Variants in NKIRAS1 observed in about 807,000 individuals in gnomAD.
NKIRAS1 encodes NFKB inhibitor interacting Ras like 1.
NKIRAS1 carries 16 observed loss-of-function variants against 19.8 expected under a neutral mutation model. That is an observed-to-expected ratio of 0.81 (90% CI 0.55 to 1.23). The LOEUF (loss-of-function observed/expected upper bound fraction) is 1.23. Among genes scored for constraint, NKIRAS1 ranks in the 50% most tolerant of loss-of-function variants. The pLI, the probability that NKIRAS1 is intolerant of heterozygous loss-of-function variation, is 0.00. For missense variants in NKIRAS1, 184 were observed against 220.0 expected (o/e 0.84, Z 1.04); for synonymous variants, 88 against 79.0 (o/e 1.11, Z -0.61).
chr3:23,911,842 A>C (rs1703771549), intron 1 of NKIRAS1, among the ~76,000 whole-genome samples: 1 of 149,944 alleles, frequency 6.7e-6, no homozygotes, highest in Non-Finnish European at 1.5e-5. Flanking sequence ...GGTTCACTGC[A>C]ACCTCCGCTT....
At chr3:23,933,205 C>G (rs1340378025) in intron 1 of NKIRAS1, among the ~76,000 whole-genome samples, 1 of 152,188 alleles carries the variant, frequency 6.6e-6, no homozygotes, top group Non-Finnish European at 1.5e-5. Context: ...TAATAGAAAA[C>G]AAATACAGTA....
chr3:23,943,327 G>T (rs1043390976), intron 1 of NKIRAS1, among the ~76,000 whole-genome samples: 2 of 152,124 alleles, frequency 1.3e-5, no homozygotes, highest in Admixed American at 6.5e-5. Flanking sequence ...CCGCCTTCCG[G>T]GTTCAAGCGA....
intron 2 of NKIRAS1, 109 bp from the exon 3 acceptor site, chr3:23,911,030 C>G (rs1447312546): frequency 3.8e-6 from 3 of 793,824 alleles, no homozygotes; most frequent in Non-Finnish European, 6.2e-6. Context: ...GGGAAATTTT[C>G]AAATACAGAA....
intron 1 of NKIRAS1, among the ~76,000 whole-genome samples, chr3:23,925,930 A>G (rs1378297577): frequency 1.3e-5 from 2 of 152,228 alleles, no homozygotes; most frequent in African/African-American, 4.8e-5. Flanking sequence ...CTCCAGTCAT[A>G]TTAGTTACAT....
upstream of NKIRAS1, chr3:23,918,359 G>T: frequency 6.8e-7 from 1 of 1,462,130 alleles, no homozygotes; most frequent in South Asian, 1.3e-5. Flanking sequence ...TATTTTTGGT[G>T]GAGTATTAGT....
rs751833204 is a variant in NKIRAS1, at chr3:23,910,819, T to C, written c.86A>G (p.His29Arg). The C allele has an allele frequency of 6.2e-7, 1 of 1,609,598 alleles. No homozygotes were observed. The highest frequency in any genetic ancestry group is 8.5e-7 in the Non-Finnish European group (1 of 1,175,870). Residue 29 changes from histidine to arginine, a missense_variant, in exon 3 of 5, where the codon CAT becomes CGT. Coordinates refer to ENST00000425478, the MANE Select transcript of NKIRAS1 (RefSeq NM_020345.4). ...GAGAAAAACAATCTTACCAATAGTA[T>C]GATTTCCATAAAGGAGCTGCTCCAA... ...AILEQLLYGNHTIGMEDCETM... is the reference protein window; with the variant it reads ...AILEQLLYGNRTIGMEDCETM...
chr3:23,925,207 A>G (rs1705192755), intron 1 of NKIRAS1, among the ~76,000 whole-genome samples: 1 of 152,192 alleles, frequency 6.6e-6, no homozygotes, highest in African/African-American at 2.4e-5. Flanking sequence ...TAGTCTTTGT[A>G]CCCATTTGAA....
At chr3:23,919,338 TCAC>T (rs1704939409), upstream of NKIRAS1, 1 of 1,602,726 alleles carries the variant, frequency 6.2e-7, no homozygotes, top group African/African-American at 1.3e-5. Flanking sequence ...ACCCAGTGGA[TCAC>T]CAAACCAGTC....
upstream of NKIRAS1, chr3:23,920,787 C>G (rs552751022): frequency 1.0e-6 from 1 of 962,200 alleles, no homozygotes. Context: ...TTAAGTCATA[C>G]ATTTTAATTG....
At chr3:23,919,664 T>G (rs1407347265), upstream of NKIRAS1, 58 of 1,408,438 alleles carry the variant, frequency 4.1e-5, no homozygotes, top group Non-Finnish European at 5.2e-5. Flanking sequence ...CAATAAGTGG[T>G]GGTGTATCTT....
intron 3 of NKIRAS1, among the ~76,000 whole-genome samples, chr3:23,907,161 TG>T (rs1454305347): frequency 6.6e-6 from 1 of 152,230 alleles, no homozygotes; most frequent in Non-Finnish European, 1.5e-5. Context: ...CCCAAAGTGC[TG>T]GGATTACAGG....
intron 1 of NKIRAS1, among the ~76,000 whole-genome samples, chr3:23,914,812 A>G (rs1422030838): frequency 6.6e-6 from 1 of 152,236 alleles, no homozygotes; most frequent in East Asian, 1.9e-4. Context: ...TATTCACACT[A>G]CTAGAATTGT....
intron 1 of NKIRAS1, among the ~76,000 whole-genome samples, chr3:23,930,762 A>G (rs1045765422): frequency 1.3e-5 from 2 of 152,146 alleles, no homozygotes; most frequent in Non-Finnish European, 2.9e-5. Flanking sequence ...TTGTGCAGTG[A>G]CACAATCATG....
upstream of NKIRAS1, chr3:23,919,862 GC>G: frequency 9.9e-7 from 1 of 1,007,494 alleles, no homozygotes; most frequent in Non-Finnish European, 1.2e-6. Context: ...TGATGGCAAT[GC>G]TCTGCTGGTT....
At chr3:23,899,215 T>A (rs1246637782) in intron 4 of NKIRAS1, among the ~76,000 whole-genome samples, 1 of 152,118 alleles carries the variant, frequency 6.6e-6, no homozygotes, top group African/African-American at 2.4e-5. Flanking sequence ...AAGAGTAACA[T>A]GAAGGATCTT....
At chr3:23,940,185 A>G (rs918568472) in intron 1 of NKIRAS1, among the ~76,000 whole-genome samples, 3 of 150,740 alleles carry the variant, frequency 2.0e-5, no homozygotes, top group Non-Finnish European at 4.4e-5. Context: ...AAAAAAAAAA[A>G]AAAAAAGAGA....
intron 4 of NKIRAS1, among the ~76,000 whole-genome samples, chr3:23,900,186 A>C (rs1702373234): frequency 6.6e-6 from 1 of 152,096 alleles, no homozygotes; most frequent in Non-Finnish European, 1.5e-5. Flanking sequence ...CAAAAACCCA[A>C]GGAAACAGCA....
intron 4 of NKIRAS1, among the ~76,000 whole-genome samples, chr3:23,893,756 G>A (rs1489976417): frequency 1.4e-5 from 2 of 141,252 alleles, no homozygotes; most frequent in East Asian, 2.1e-4. Flanking sequence ...CCGAGATGGC[G>A]CCACTGCACT....
At chr3:23,938,996 A>G (rs1705445749) in intron 1 of NKIRAS1, among the ~76,000 whole-genome samples, 2 of 152,224 alleles carry the variant, frequency 1.3e-5, no homozygotes, top group Non-Finnish European at 2.9e-5. Context: ...AGCTCCACCC[A>G]CTGTCTGATT....
Sources: gnomAD v4.1 joint callset for allele counts (sites outside exome capture counted in the v4.1 genomes callset) on GRCh38, gnomAD v4.1.1 for gene constraint, MANE v1.5 for transcripts, NCBI Gene and HGNC (gene_info 2026-07-23, HGNC 2026-07-21) for gene names.